The following ANGPT1 variants were observed in gnomAD, a reference collection of about 807,000 sequenced individuals.
ANGPT1 encodes angiopoietin 1, also known as angiopoietin-1.
A neutral mutation model predicts 62.2 loss-of-function variants in ANGPT1; 17 were observed. That is an observed-to-expected ratio of 0.27 (90% CI 0.19 to 0.41). ANGPT1 has a LOEUF of 0.41. Among genes scored for constraint, ANGPT1 ranks in the 10% least tolerant of loss-of-function variants. ANGPT1 has a pLI of 1.00. For synonymous variants in ANGPT1, 199 were observed against 198.9 expected (o/e 1.00, Z 0.00); for missense variants, 478 against 594.9 (o/e 0.80, Z 2.04).
chr8:107,432,318 G>A (rs1454565030), intron 1 of ANGPT1, among the ~76,000 whole-genome samples: 1 of 152,134 alleles, frequency 6.6e-6, no homozygotes, highest in Non-Finnish European at 1.5e-5. Flanking sequence ...TTACTTTCCA[G>A]AGAATTTTCT....
chr8:107,376,855 G>A (rs1446800412), intron 1 of ANGPT1, among the ~76,000 whole-genome samples: 1 of 152,174 alleles, frequency 6.6e-6, no homozygotes, highest in African/African-American at 2.4e-5. Flanking sequence ...GGTTCAGTGT[G>A]TCTGGGAAAC....
chr8:107,377,172 C>T (rs1264435995), intron 1 of ANGPT1, among the ~76,000 whole-genome samples: 1 of 152,160 alleles, frequency 6.6e-6, no homozygotes, highest in Non-Finnish European at 1.5e-5. Flanking sequence ...TGCAAGGGAA[C>T]GTTCTATTTC....
chr8:107,409,948 TCC>T (rs1817229912), intron 1 of ANGPT1, among the ~76,000 whole-genome samples: 1 of 118,830 alleles, frequency 8.4e-6, no homozygotes, highest in African/African-American at 2.9e-5. Flanking sequence ...AATCCATCCA[TCC>T]ATCCATCCAT....
At chr8:107,411,405 A>G (rs967178538) in intron 1 of ANGPT1, among the ~76,000 whole-genome samples, 3 of 152,198 alleles carry the variant, frequency 2.0e-5, no homozygotes, top group Non-Finnish European at 4.4e-5. Context: ...TATGAGGTAT[A>G]AGGCACTTTA....
chr8:107,310,044 A>T (rs1814812086), intron 4 of ANGPT1, among the ~76,000 whole-genome samples: 1 of 152,180 alleles, frequency 6.6e-6, no homozygotes, highest in Non-Finnish European at 1.5e-5. Flanking sequence ...AAACATTTTT[A>T]AAAAAGAACT....
intron 8 of ANGPT1, among the ~76,000 whole-genome samples, chr8:107,257,944 C>CTCTCTCTT (rs1554576273): frequency 7.0e-6 from 1 of 142,718 alleles, no homozygotes; most frequent in African/African-American, 2.6e-5. Context: ...CTCTCTCTCT[C>CTCTCTCTT]TCTTTCTTTC....
At chr8:107,432,141 T>C (rs542006840) in intron 1 of ANGPT1, among the ~76,000 whole-genome samples, 1 of 149,144 alleles carries the variant, frequency 6.7e-6, no homozygotes, top group Admixed American at 6.6e-5. Flanking sequence ...ATCATGCAAT[T>C]ATAAAAAAAA....
chr8:107,478,463 A>G (rs1222358235), intron 1 of ANGPT1, among the ~76,000 whole-genome samples: 2 of 151,992 alleles, frequency 1.3e-5, no homozygotes, highest in East Asian at 3.9e-4. Context: ...GCAGGAGAAT[A>G]GATTCAACCT....
chr8:107,362,663 T>C (rs1194190286), intron 1 of ANGPT1, among the ~76,000 whole-genome samples: 1 of 152,200 alleles, frequency 6.6e-6, no homozygotes, highest in Non-Finnish European at 1.5e-5. Context: ...AAGCCAAGGG[T>C]TCTCATGTCA....
chr8:107,486,747 C>T (rs1347705799), intron 1 of ANGPT1, among the ~76,000 whole-genome samples: 1 of 152,066 alleles, frequency 6.6e-6, no homozygotes, highest in African/African-American at 2.4e-5. Flanking sequence ...CAAATCCAAG[C>T]AGTTTGACTC....
chr8:107,339,349 G>A (rs1815645278), intron 2 of ANGPT1, among the ~76,000 whole-genome samples: 1 of 152,120 alleles, frequency 6.6e-6, no homozygotes, highest in South Asian at 2.1e-4. Flanking sequence ...TCAGAACCCT[G>A]TTCACTTCTT....
intron 1 of ANGPT1, among the ~76,000 whole-genome samples, chr8:107,420,551 G>T (rs1433189): frequency 0.16 from 24,639 of 152,014 alleles, 2,092 homozygotes; most frequent in Non-Finnish European, 0.19. Context: ...AGAACAAGTC[G>T]TTAAAGTTGT....
chr8:107,411,482 A>G (rs1817265215), intron 1 of ANGPT1, among the ~76,000 whole-genome samples: 1 of 152,160 alleles, frequency 6.6e-6, no homozygotes. Flanking sequence ...ATAAATTCAG[A>G]GCAAAAATAC....
At chr8:107,454,309 G>A (rs1340623727) in intron 1 of ANGPT1, among the ~76,000 whole-genome samples, 1 of 151,978 alleles carries the variant, frequency 6.6e-6, no homozygotes, top group Non-Finnish European at 1.5e-5. Flanking sequence ...GATGTTATCA[G>A]CAGTATTTAG....
chr8:107,373,337 G>A (rs989347175), intron 1 of ANGPT1, among the ~76,000 whole-genome samples: 1 of 151,774 alleles, frequency 6.6e-6, no homozygotes, highest in Non-Finnish European at 1.5e-5. Context: ...AAATTTTGAA[G>A]GAACACTGTC....
At chr8:107,309,166 C>A (rs1368595331) in intron 4 of ANGPT1, among the ~76,000 whole-genome samples, 3 of 152,188 alleles carry the variant, frequency 2.0e-5, no homozygotes, top group African/African-American at 7.2e-5. Flanking sequence ...GAAATCAGTT[C>A]TTCAATCGTT....
chr8:107,435,929 G>A (rs1482473138), intron 1 of ANGPT1, among the ~76,000 whole-genome samples: 1 of 152,082 alleles, frequency 6.6e-6, no homozygotes, highest in African/African-American at 2.4e-5. Flanking sequence ...ATTAGACAGG[G>A]TCCCATTGTG....
intron 1 of ANGPT1, among the ~76,000 whole-genome samples, chr8:107,469,486 C>T (rs1812289268): frequency 6.6e-6 from 1 of 151,946 alleles, no homozygotes; most frequent in African/African-American, 2.4e-5. Context: ...TTAATAAATG[C>T]AACCTTGGAG....
rs183897056 is a variant in ANGPT1 at position 107,319,863 on chromosome 8, G to T, written c.808+2033C>A. Among the ~76,000 whole-genome samples the T allele has an allele frequency of 2.0e-5, 3 of 151,956 alleles. No homozygotes were observed. In the East Asian group the frequency reaches 5.8e-4, roughly 29 times the overall value. On this transcript the variant is annotated intron_variant, in intron 4 of 8. Transcript: ENST00000517746. ...TAGAACGCTTAACAGTAAGATTAAA[G>T]AAAAAAGAGATTAACAAGAAGCAAA...
Sources: gnomAD v4.1 joint callset for allele counts (sites outside exome capture counted in the v4.1 genomes callset) on GRCh38, gnomAD v4.1.1 for gene constraint, MANE v1.5 for transcripts, NCBI Gene and HGNC (gene_info 2026-07-23, HGNC 2026-07-21) for gene names.